LOC128125817: variants seen among roughly 807,000 people sequenced by gnomAD.
At chr1:41,612,674 T>A in the LOC128125817 span, among the ~76,000 whole-genome samples, 1 of 152,194 alleles carries the variant, frequency 6.6e-6, no homozygotes, top group Admixed American at 6.5e-5. Flanking sequence ...ATTTCTGTAT[T>A]CCTGAGCTAT....
At chr1:41,595,422 G>C in the LOC128125817 span, among the ~76,000 whole-genome samples, 1 of 152,138 alleles carries the variant, frequency 6.6e-6, no homozygotes, top group Non-Finnish European at 1.5e-5. Context: ...CTTACACTTT[G>C]AACTCTCTGC....
the LOC128125817 span, among the ~76,000 whole-genome samples, chr1:41,599,755 C>G: frequency 6.6e-6 from 1 of 152,122 alleles, no homozygotes; most frequent in South Asian, 2.1e-4. Context: ...TTAAAATCTT[C>G]TATGCGTGAA....
the LOC128125817 span, among the ~76,000 whole-genome samples, chr1:41,597,459 G>A: frequency 6.6e-6 from 1 of 152,196 alleles, no homozygotes; most frequent in Non-Finnish European, 1.5e-5. Context: ...CTCTGACTAT[G>A]TGCCAGGGCT....
the LOC128125817 span, among the ~76,000 whole-genome samples, chr1:41,596,511 C>T: frequency 6.6e-6 from 1 of 152,208 alleles, no homozygotes; most frequent in African/African-American, 2.4e-5. Context: ...CAGTGTCTTC[C>T]AGGTGAACCT....
the LOC128125817 span, among the ~76,000 whole-genome samples, chr1:41,590,152 C>T: frequency 1.3e-5 from 2 of 152,128 alleles, no homozygotes; most frequent in African/African-American, 4.8e-5. Flanking sequence ...GCAAAACAAG[C>T]CAGATATAAG....
At chr1:41,598,502 G>C in the LOC128125817 span, among the ~76,000 whole-genome samples, 1 of 152,194 alleles carries the variant, frequency 6.6e-6, no homozygotes, top group Admixed American at 6.5e-5. Context: ...AAGAGGTGGC[G>C]ACTGCCTGTG....
chr1:41,596,767 G>C, the LOC128125817 span, among the ~76,000 whole-genome samples: 2 of 152,182 alleles, frequency 1.3e-5, no homozygotes, highest in African/African-American at 2.4e-5. Flanking sequence ...AACCCTGAGT[G>C]CTGGCCAACA....
the LOC128125817 span, among the ~76,000 whole-genome samples, chr1:41,624,424 A>C: frequency 6.6e-6 from 1 of 152,328 alleles, no homozygotes; most frequent in East Asian, 1.9e-4. Context: ...GAATATAGCC[A>C]ACAAGTGCTG....
the LOC128125817 span, among the ~76,000 whole-genome samples, chr1:41,622,850 G>A: frequency 6.6e-6 from 1 of 152,230 alleles, no homozygotes; most frequent in African/African-American, 2.4e-5. Context: ...CAACAACATT[G>A]CTGTTTTTTA....
the LOC128125817 span, among the ~76,000 whole-genome samples, chr1:41,604,059 T>G: frequency 1.3e-5 from 2 of 152,228 alleles, no homozygotes; most frequent in Non-Finnish European, 2.9e-5. Context: ...GTGGTACAAC[T>G]GGAACTCTTC....
the LOC128125817 span, among the ~76,000 whole-genome samples, chr1:41,590,547 G>GGACAAGAA: frequency 6.6e-6 from 1 of 152,218 alleles, no homozygotes; most frequent in Non-Finnish European, 1.5e-5. Flanking sequence ...AGGAACAGTG[G>GGACAAGAA]GACAAGAAGA....
the LOC128125817 span, among the ~76,000 whole-genome samples, chr1:41,592,602 G>A: frequency 1.3e-5 from 2 of 152,174 alleles, no homozygotes; most frequent in Admixed American, 1.3e-4. Flanking sequence ...TGACTGAGAG[G>A]TGGACTGGCA....
At chr1:41,606,821 G>A in the LOC128125817 span, among the ~76,000 whole-genome samples, 1 of 150,712 alleles carries the variant, frequency 6.6e-6, no homozygotes, top group Non-Finnish European at 1.5e-5. Flanking sequence ...TTGCATGACT[G>A]GTGAGAAATT....
chr1:41,597,779 T>C, the LOC128125817 span, among the ~76,000 whole-genome samples: 1 of 152,204 alleles, frequency 6.6e-6, no homozygotes, highest in African/African-American at 2.4e-5. Context: ...GTTAACCTTT[T>C]TTTACCTTTC....
chr1:41,619,056 A>G, the LOC128125817 span, among the ~76,000 whole-genome samples: 10 of 149,600 alleles, frequency 6.7e-5, no homozygotes, highest in African/African-American at 2.0e-4. Flanking sequence ...TCGGCAGGAC[A>G]GCCCACTCCT....
At chr1:41,601,312 G>A in the LOC128125817 span, among the ~76,000 whole-genome samples, 1 of 151,986 alleles carries the variant, frequency 6.6e-6, no homozygotes, top group Non-Finnish European at 1.5e-5. Context: ...TTTTATGGGG[G>A]TTTCATTGAC....
chr1:41,604,120 G>C, the LOC128125817 span, among the ~76,000 whole-genome samples: 1 of 152,130 alleles, frequency 6.6e-6, no homozygotes, highest in Non-Finnish European at 1.5e-5. Context: ...CAATTGATTG[G>C]CAAAGACTAA....
chr1:41,624,917 G>A, the LOC128125817 span, among the ~76,000 whole-genome samples: 2 of 152,176 alleles, frequency 1.3e-5, no homozygotes, highest in Admixed American at 6.5e-5. Context: ...TGTAATCCCA[G>A]CACTTTGGGA....
At chr1:41,593,373 G>A in the LOC128125817 span, among the ~76,000 whole-genome samples, 32 of 151,664 alleles carry the variant, frequency 2.1e-4, no homozygotes, top group Admixed American at 1.4e-3. Context: ...TTCTTTTTGC[G>A]GGCAGCAGCA....
Sources: gnomAD v4.1 joint callset for allele counts (sites outside exome capture counted in the v4.1 genomes callset) on GRCh38, gnomAD v4.1.1 for gene constraint, MANE v1.5 for transcripts.